Variants in PDIA5 observed in about 807,000 individuals in gnomAD.
PDIA5 encodes protein disulfide isomerase family A member 5.
A neutral mutation model predicts 77.6 loss-of-function variants in PDIA5; 58 were observed. The observed-to-expected ratio is 0.75, with a 90% CI of 0.61 to 0.93. The LOEUF (loss-of-function observed/expected upper bound fraction) is 0.93. PDIA5 is among the 40% of genes least tolerant of loss of function. PDIA5 has a pLI of 0.00. For missense variants in PDIA5, 630 were observed against 647.7 expected, an observed-to-expected ratio of 0.97 and a Z score of 0.30; for synonymous variants, 250 against 252.1, an observed-to-expected ratio of 0.99 and a Z score of 0.08.
intron 8 of PDIA5, among the ~76,000 whole-genome samples, chr3:123,123,429 G>T (rs536539844): frequency 6.6e-6 from 1 of 152,326 alleles, no homozygotes; most frequent in South Asian, 2.1e-4. Context: ...ACCAACAGGA[G>T]GAAACACTGG....
At chr3:123,149,963 G>A (rs901648705) in intron 13 of PDIA5, among the ~76,000 whole-genome samples, 4 of 152,286 alleles carry the variant, frequency 2.6e-5, no homozygotes, top group East Asian at 1.9e-4. Context: ...CACAACTGGG[G>A]GGGCTGCCCT....
At chr3:123,102,972 C>T (rs1268204002) in intron 5 of PDIA5, among the ~76,000 whole-genome samples, 176 bp downstream of exon 5, 1 of 152,228 alleles carries the variant, frequency 6.6e-6, no homozygotes, top group Non-Finnish European at 1.5e-5. Flanking sequence ...AAGTTTGTAG[C>T]TCTTAACACA....
chr3:123,119,785 G>A (rs1935064796), intron 8 of PDIA5, among the ~76,000 whole-genome samples: 1 of 152,174 alleles, frequency 6.6e-6, no homozygotes, highest in Admixed American at 6.5e-5. Flanking sequence ...GCTGGATTAG[G>A]GCCTTCTGTC....
chr3:123,067,681 G>A (rs1933611862), intron 1 of PDIA5: 1 of 154,250 alleles, frequency 6.5e-6, no homozygotes. Context: ...GGAAACTGCG[G>A]GCCACCACCT....
intron 1 of PDIA5, among the ~76,000 whole-genome samples, chr3:123,079,014 A>G (rs1388490298): frequency 6.6e-6 from 1 of 152,074 alleles, no homozygotes; most frequent in Non-Finnish European, 1.5e-5. Flanking sequence ...AAGTGGTGGT[A>G]ATTTTTTTCT....
intron 11 of PDIA5, among the ~76,000 whole-genome samples, chr3:123,132,586 G>A (rs1935394744): frequency 6.6e-6 from 1 of 152,218 alleles, no homozygotes; most frequent in South Asian, 2.1e-4. Context: ...CCTTGGTGAG[G>A]GCATCCCCGA....
intron 5 of PDIA5, among the ~76,000 whole-genome samples, chr3:123,104,601 T>A (rs975256866): frequency 9.2e-5 from 14 of 152,240 alleles, no homozygotes; most frequent in African/African-American, 3.4e-4. Context: ...AGTGAGAACT[T>A]ATCTCCCCAC....
At chr3:123,134,811 C>G (rs762741663) in intron 11 of PDIA5, among the ~76,000 whole-genome samples, 3 of 152,246 alleles carry the variant, frequency 2.0e-5, no homozygotes, top group Non-Finnish European at 4.4e-5. Flanking sequence ...GCCCCACAGC[C>G]CTGTCCCCCA....
intron 2 of PDIA5, among the ~76,000 whole-genome samples, chr3:123,089,954 G>T (rs1235160740): frequency 6.6e-6 from 1 of 152,240 alleles, no homozygotes; most frequent in Non-Finnish European, 1.5e-5. Flanking sequence ...GAGGGTGAAC[G>T]CTGACTCTGT....
intron 2 of PDIA5, 47 bp from the exon 3 acceptor site, chr3:123,092,308 C>T: frequency 6.9e-7 from 1 of 1,457,846 alleles, no homozygotes; most frequent in East Asian, 2.3e-5. Flanking sequence ...AGACATGACC[C>T]AGTGCCCTTG....
intron 8 of PDIA5, 84 bp downstream of exon 8, chr3:123,116,382 G>T: frequency 9.7e-7 from 1 of 1,031,040 alleles, no homozygotes; most frequent in Non-Finnish European, 1.5e-6. Context: ...GTGGGGACAG[G>T]TTTTGAAATG....
chr3:123,122,215 G>A (rs4677875), intron 8 of PDIA5, among the ~76,000 whole-genome samples: 78,580 of 152,024 alleles, frequency 0.52, 21,267 homozygotes, highest in Non-Finnish European at 0.59. Context: ...TGTAATGAGC[G>A]AGGAGGACGT....
intron 1 of PDIA5, chr3:123,067,415 C>T (rs1933598079): frequency 2.4e-6 from 1 of 424,438 alleles, no homozygotes; most frequent in Non-Finnish European, 4.0e-6. Flanking sequence ...CTCCCGGACG[C>T]AGGGGCAGGA....
chr3:123,130,386 C>A (rs953579810), intron 10 of PDIA5, 94 bp from the exon 11 acceptor site: 3 of 1,392,640 alleles, frequency 2.2e-6, no homozygotes, highest in African/African-American at 2.9e-5. Flanking sequence ...CCGTCCCGAG[C>A]CCATGGGGAG....
At position 123,150,277 on chromosome 3, in the gene PDIA5, C is replaced by T; in HGVS notation, c.1186C>T (p.Gln396Ter). The change falls in exon 14 of 17, where the codon CAG becomes TAG. Residue 396 changes from glutamine to a stop codon, truncating the protein, a stop_gained. Coordinates refer to ENST00000316218, the MANE Select transcript of PDIA5 (RefSeq NM_006810.4). LOFTEE classifies it high-confidence loss of function. ...PPPEPTWEEQ[Q>*]TSVLHLVGDN... ...CCCAGAGCCCACGTGGGAAGAGCAGCAGACAAGCGTGTTGCACCTGGTGGG... is the reference window on the plus strand; with the variant it reads ...CCCAGAGCCCACGTGGGAAGAGCAGTAGACAAGCGTGTTGCACCTGGTGGG... 1 of 1,613,680 alleles carries T rather than the reference C, an allele frequency of 6.2e-7. No homozygotes were observed. Among genetic ancestry groups the T allele is most frequent in the South Asian group, 1.1e-5 (1 of 91,060 alleles).
chr3:123,102,207 G>A (rs541713488), intron 3 of PDIA5, among the ~76,000 whole-genome samples: 3 of 152,192 alleles, frequency 2.0e-5, no homozygotes, highest in Admixed American at 2.0e-4. Flanking sequence ...CCCACGCCCA[G>A]CCTCTGTCTT....
At chr3:123,133,964 TTTG>T (rs1220950345) in intron 11 of PDIA5, among the ~76,000 whole-genome samples, 2 of 150,552 alleles carry the variant, frequency 1.3e-5, no homozygotes. Flanking sequence ...TGCAGTGTTG[TTTG>T]TTTTCTTTTC....
At chr3:123,131,833 G>A (rs1935377365) in intron 11 of PDIA5, among the ~76,000 whole-genome samples, 1 of 151,936 alleles carries the variant, frequency 6.6e-6, no homozygotes, top group Non-Finnish European at 1.5e-5. Flanking sequence ...AGGCAGACAA[G>A]GCCGCGTGAG....
chr3:123,141,661 C>T (rs776671539), intron 11 of PDIA5, among the ~76,000 whole-genome samples: 5 of 152,222 alleles, frequency 3.3e-5, no homozygotes, highest in African/African-American at 9.6e-5. Context: ...GGGTTGCCCC[C>T]GGGGCAGGGA....
Sources: gnomAD v4.1 joint callset for allele counts (sites outside exome capture counted in the v4.1 genomes callset) on GRCh38, gnomAD v4.1.1 for gene constraint, MANE v1.5 for transcripts, NCBI Gene and HGNC (gene_info 2026-07-23, HGNC 2026-07-21) for gene names.